Variants in PCDHGB3 observed in about 807,000 individuals in gnomAD.
PCDHGB3 encodes the protein protocadherin gamma subfamily B, 3.
Under a neutral mutation model 59.2 loss-of-function variants are expected in PCDHGB3, and 40 were observed. The ratio of observed to expected loss-of-function variants is 0.68; its 90% CI spans 0.52 to 0.88. The LOEUF (loss-of-function observed/expected upper bound fraction) is 0.88. PCDHGB3 is among the 40% of genes least tolerant of loss of function. PCDHGB3 has a pLI of 0.00. For synonymous variants in PCDHGB3, 581 were observed against 503.6 expected (o/e 1.15, Z -2.06); for missense variants, 1,309 against 1,187.9 (o/e 1.10, Z -1.50).
chr5:141,484,788 TAAC>T (rs1245576501), intron 1 of PCDHGB3, among the ~76,000 whole-genome samples: 1 of 151,732 alleles, frequency 6.6e-6, no homozygotes, highest in Non-Finnish European at 1.5e-5. Flanking sequence ...CCCACAGAGA[TAAC>T]AACCCGTGGA....
chr5:141,459,506 A>G (rs1156362858), intron 1 of PCDHGB3, among the ~76,000 whole-genome samples: 1 of 152,236 alleles, frequency 6.6e-6, no homozygotes, highest in East Asian at 1.9e-4. Flanking sequence ...GATGTGAACA[A>G]TCATGTACAA....
intron 1 of PCDHGB3, among the ~76,000 whole-genome samples, chr5:141,438,216 T>A (rs2097938802): frequency 6.6e-6 from 1 of 152,158 alleles, no homozygotes; most frequent in Non-Finnish European, 1.5e-5. Flanking sequence ...TGGGAAGGGC[T>A]CTGGTTCAGG....
In PCDHGB3 at chr5:141,393,378, G is replaced by A. The variant is rs1207426335; in HGVS notation, c.2415+20569G>A. On this transcript the variant is annotated intron_variant, in intron 1 of 3. Coordinates refer to ENST00000576222, the MANE Select transcript of PCDHGB3 (RefSeq NM_018924.5). ...GGACGTGCAGACTGGAGACAATGGA[G>A]CCATAAACCCAGAGCTGGTGCTGGA... The A allele has an allele frequency of 1.9e-6, 3 of 1,613,982 alleles. No individual in the cohort carries two copies. The highest frequency in any genetic ancestry group is 2.2e-5 in the East Asian group (1 of 44,866).
At chr5:141,400,097 A>C (rs753507768) in intron 1 of PCDHGB3, 1 of 1,614,048 alleles carries the variant, frequency 6.2e-7, no homozygotes, top group South Asian at 1.1e-5. Context: ...GCCACGCTGC[A>C]CTTGGTCTTT....
chr5:141,459,259 G>T (rs996530664), intron 1 of PCDHGB3, among the ~76,000 whole-genome samples: 1 of 152,140 alleles, frequency 6.6e-6, no homozygotes, highest in Non-Finnish European at 1.5e-5. Context: ...ATAAATTAGT[G>T]TTGCCTCTTT....
chr5:141,473,879 C>G (rs937312573), intron 1 of PCDHGB3, among the ~76,000 whole-genome samples: 2 of 152,120 alleles, frequency 1.3e-5, no homozygotes, highest in Admixed American at 1.3e-4. Context: ...AATGCATACA[C>G]AAGGGTTCTG....
intron 1 of PCDHGB3, chr5:141,441,330 C>T (rs919906372): frequency 8.5e-5 from 13 of 152,170 alleles, no homozygotes; most frequent in Admixed American, 1.3e-4. Context: ...AATCTTCCTC[C>T]AATAATTAAC....
intron 1 of PCDHGB3, chr5:141,417,266 T>C (rs2096102700): frequency 6.6e-6 from 1 of 152,184 alleles, no homozygotes; most frequent in Non-Finnish European, 1.5e-5. Context: ...CATAGATAAT[T>C]ACTCTTAAAA....
At chr5:141,495,480 C>A (rs2099761689) in intron 2 of PCDHGB3, among the ~76,000 whole-genome samples, 1 of 152,208 alleles carries the variant, frequency 6.6e-6, no homozygotes, top group African/African-American at 2.4e-5. Flanking sequence ...CGTGTCTCTG[C>A]CCCTTTTTCT....
intron 1 of PCDHGB3, chr5:141,428,862 T>TC (rs1345604550): frequency 2.7e-5 from 2 of 74,856 alleles, no homozygotes; most frequent in African/African-American, 2.0e-4. Flanking sequence ...ACGGGAGACT[T>TC]TTTTTTTTTT....
intron 2 of PCDHGB3, among the ~76,000 whole-genome samples, chr5:141,497,487 T>TCTCTCTCTC (rs1223198472): frequency 1.3e-5 from 2 of 151,562 alleles, no homozygotes; most frequent in Non-Finnish European, 2.9e-5. Flanking sequence ...GCGGAACCTC[T>TCTCTCTCTC]CTCTCTCTCC....
At chr5:141,382,840 A>C in intron 1 of PCDHGB3, 1 of 1,450,368 alleles carries the variant, frequency 6.9e-7, no homozygotes, top group Admixed American at 2.3e-5. Flanking sequence ...CCACCCGGAT[A>C]CACCCGCATT....
intron 1 of PCDHGB3, among the ~76,000 whole-genome samples, chr5:141,439,459 A>C (rs558086952): frequency 6.6e-6 from 1 of 152,222 alleles, no homozygotes. Flanking sequence ...GCAAGACTGC[A>C]CTGCTGCCTT....
chr5:141,383,198 C>A, intron 1 of PCDHGB3: 1 of 1,614,016 alleles, frequency 6.2e-7, no homozygotes, highest in Non-Finnish European at 8.5e-7. Flanking sequence ...GCTCAGAGTG[C>A]GCGGTGTCTG....
chr5:141,467,287 A>C (rs2099140956), intron 1 of PCDHGB3, among the ~76,000 whole-genome samples: 1 of 152,082 alleles, frequency 6.6e-6, no homozygotes, highest in Admixed American at 6.6e-5. Flanking sequence ...TCTTGACCTC[A>C]AGTGATCCAC....
Position 141,508,665 on chromosome 5 carries a change from C to T in PCDHGB3, c.2564-2282C>T, listed in dbSNP as rs181641281. ...CGTCAGGCCCTTCCTGTCATTCTGT[C>T]TCTGCCTCCCTTCTCCCTGCTTCTC... On this transcript the variant is annotated intron_variant, in intron 3 of 3. Coordinates refer to ENST00000576222, the MANE Select transcript of PCDHGB3 (RefSeq NM_018924.5). Among the ~76,000 whole-genome samples the T allele has an allele frequency of 3.7e-3, 564 of 152,254 alleles. 5 individuals carry two copies. Among genetic ancestry groups the T allele is most frequent in the Admixed American group, 0.011 (164 of 15,296 alleles).
At chr5:141,406,259 ATCT>A (rs1419106691) in intron 1 of PCDHGB3, among the ~76,000 whole-genome samples, 1 of 151,904 alleles carries the variant, frequency 6.6e-6, no homozygotes, top group East Asian at 1.9e-4. Flanking sequence ...GTCTCAAACG[ATCT>A]TCCTGCTTCA....
In PCDHGB3 at chr5:141,512,494, C is replaced by T. The variant is rs2099884262; in HGVS notation, c.*1321C>T. The T allele has an allele frequency of 6.5e-6, 1 of 152,894 alleles. No individual in the cohort carries two copies. Among genetic ancestry groups the T allele is most frequent in the Admixed American group, 6.5e-5 (1 of 15,282 alleles). The allele number at this position is 152,894 out of a possible 1,614,324, so 9.5% of individuals were successfully genotyped here. Reference sequence around the variant, plus strand: ...CTTCCGTGAAGGCCACTGCCCAGGTCCCCAGTGCGCCCCCTAGTGGCCATA... The same window carrying T: ...CTTCCGTGAAGGCCACTGCCCAGGTTCCCAGTGCGCCCCCTAGTGGCCATA... On this transcript the variant is annotated 3_prime_UTR_variant, in exon 4 of 4. Transcript: ENST00000576222.
intron 1 of PCDHGB3, among the ~76,000 whole-genome samples, chr5:141,468,246 A>G (rs2099161183): frequency 6.7e-6 from 1 of 149,754 alleles, no homozygotes; most frequent in South Asian, 2.1e-4. Context: ...AATTGCCTGA[A>G]CCTGGGAGGC....
Sources: gnomAD v4.1 joint callset for allele counts (sites outside exome capture counted in the v4.1 genomes callset) on GRCh38, gnomAD v4.1.1 for gene constraint, MANE v1.5 for transcripts, NCBI Gene and HGNC (gene_info 2026-07-23, HGNC 2026-07-21) for gene names.